The following BTD variants were observed in gnomAD, a reference collection of about 807,000 sequenced individuals.
BTD encodes biotinidase.
In BTD, 13 loss-of-function variants were observed where a neutral mutation model predicts 17.7. The ratio of observed to expected loss-of-function variants is 0.74; its 90% CI spans 0.48 to 1.17. The LOEUF is 1.17. BTD is among the 50% of genes most tolerant of loss of function. BTD has a pLI of 0.00. For synonymous variants in BTD, 240 were observed against 245.2 expected (o/e 0.98, Z 0.20); for missense variants, 674 against 650.4 (o/e 1.04, Z -0.39).
intron 3 of BTD, 95 bp downstream of exon 3, chr3:15,642,152 G>C: frequency 6.4e-7 from 1 of 1,558,276 alleles, no homozygotes; most frequent in Non-Finnish European, 8.7e-7. Context: ...AGATTGATAG[G>C]AGACCTTAAC....
intron 3 of BTD, among the ~76,000 whole-genome samples, chr3:15,660,349 C>T (rs1321711536): frequency 2.6e-5 from 4 of 152,236 alleles, no homozygotes; most frequent in Non-Finnish European, 4.4e-5. Context: ...TCTCTGCATC[C>T]GTTGCTACCC....
intron 1 of BTD, among the ~76,000 whole-genome samples, chr3:15,605,451 A>T (rs2064419227): frequency 6.6e-6 from 1 of 152,214 alleles, no homozygotes; most frequent in Non-Finnish European, 1.5e-5. Context: ...TCAAGATGAG[A>T]TTTGAGTGGG....
chr3:15,622,981 G>A (rs1460488417), intron 1 of BTD, among the ~76,000 whole-genome samples: 3 of 152,240 alleles, frequency 2.0e-5, no homozygotes, highest in Non-Finnish European at 4.4e-5. Flanking sequence ...GTTCCACATG[G>A]CTGGGGAGGC....
chr3:15,684,326 C>T (rs2067867595), intron 3 of BTD: 1 of 152,170 alleles, frequency 6.6e-6, no homozygotes, highest in African/African-American at 2.4e-5. Flanking sequence ...CCTATAAAAG[C>T]GATGACTGTG....
At chr3:15,618,821 A>G (rs2064868272) in intron 1 of BTD, among the ~76,000 whole-genome samples, 1 of 152,200 alleles carries the variant, frequency 6.6e-6, no homozygotes, top group Non-Finnish European at 1.5e-5. Context: ...CACTGTGCCC[A>G]GCCAATAGTA....
chr3:15,631,704 A>C (rs1268439346), intron 1 of BTD, among the ~76,000 whole-genome samples: 3 of 152,204 alleles, frequency 2.0e-5, no homozygotes, highest in African/African-American at 7.2e-5. Flanking sequence ...TGCTTACTTC[A>C]AGATGCCACT....
chr3:15,694,926 T>A, intron 3 of BTD: 1 of 981,274 alleles, frequency 1.0e-6, no homozygotes, highest in Non-Finnish European at 1.6e-6. Context: ...TCAGCAAACT[T>A]ATAAAACATG....
At chr3:15,718,046 G>A (rs1426301595) in intron 4 of BTD, among the ~76,000 whole-genome samples, 8 of 152,112 alleles carry the variant, frequency 5.3e-5, no homozygotes, top group Admixed American at 5.2e-4. Context: ...CAAGTGTAAA[G>A]TGTCCCCATA....
At chr3:15,685,942 G>T in intron 3 of BTD, 1 of 1,297,910 alleles carries the variant, frequency 7.7e-7, no homozygotes, top group Non-Finnish European at 1.1e-6. Flanking sequence ...ACCTAGTTCA[G>T]TTCTAGGTAA....
intron 3 of BTD, among the ~76,000 whole-genome samples, chr3:15,698,012 AT>A (rs2069922925): frequency 6.6e-6 from 1 of 151,276 alleles, no homozygotes; most frequent in Non-Finnish European, 1.5e-5. Context: ...TTTCTAGTTT[AT>A]TTGCGTAGAG....
intron 3 of BTD, among the ~76,000 whole-genome samples, chr3:15,705,818 T>C (rs1456419473): frequency 1.3e-5 from 2 of 152,068 alleles, no homozygotes; most frequent in Admixed American, 1.3e-4. Flanking sequence ...CTGGCCAACA[T>C]GGTGAATCTG....
At position 15,647,988 on chromosome 3, in the gene BTD, A is replaced by T. The variant is rs2065733193; in HGVS notation, c.*2500A>T. ...ACAGGCCTGTCCAGAGCCCCTGCTGAGGGAAACCCACCCAGGCCACTTTTC... is the reference window on the plus strand; with the variant it reads ...ACAGGCCTGTCCAGAGCCCCTGCTGTGGGAAACCCACCCAGGCCACTTTTC... On this transcript the variant is annotated 3_prime_UTR_variant, in exon 4 of 4. Transcript: ENST00000643237. Among the ~76,000 whole-genome samples the T allele has an allele frequency of 6.6e-6, 1 of 152,168 alleles. No homozygotes were observed. The highest frequency in any genetic ancestry group is 6.5e-5 in the Admixed American group (1 of 15,274).
At chr3:15,601,650 G>A, upstream of BTD, 1 of 1,553,572 alleles carries the variant, frequency 6.4e-7, no homozygotes, top group Non-Finnish European at 8.7e-7. Context: ...CGGGAGAGGT[G>A]AGAATGTAAA....
intron 3 of BTD, among the ~76,000 whole-genome samples, chr3:15,709,516 T>G (rs1165767253): frequency 6.6e-6 from 1 of 152,200 alleles, no homozygotes; most frequent in East Asian, 1.9e-4. Flanking sequence ...AACGAATATT[T>G]GGAAGTTACT....
chr3:15,707,091 C>G (rs889266158), intron 3 of BTD, among the ~76,000 whole-genome samples: 1 of 151,980 alleles, frequency 6.6e-6, no homozygotes, highest in Admixed American at 6.6e-5. Context: ...TGTTAAAAAC[C>G]GAATAAATAA....
chr3:15,696,234 T>C lies in BTD; in HGVS notation c.400-13826T>C, dbSNP rs780154140. 43 of 1,575,434 alleles carry C rather than the reference T, an allele frequency of 2.7e-5. No individual in the cohort carries two copies. The East Asian group carries it at 4.1e-4, about 15-fold the overall frequency. On this transcript the variant is annotated intron_variant, in intron 3 of 3. Transcript: ENST00000672141. ...TGGATTTGCATCGTTTCTTAATAAG[T>C]ATTCCAGGCACCTATATACAACAAC...
At chr3:15,693,945 T>C (rs1168112937) in intron 3 of BTD, among the ~76,000 whole-genome samples, 2 of 152,174 alleles carry the variant, frequency 1.3e-5, no homozygotes, top group East Asian at 1.9e-4. Context: ...ACTGAACTTG[T>C]AGTGTTCCAC....
rs765563891 is a variant in BTD, at chr3:15,686,338, A to G, written c.400-23722A>G. 6 of 1,445,048 alleles carry G rather than the reference A, an allele frequency of 4.2e-6. No individual in the cohort carries two copies. In the South Asian group the frequency reaches 7.4e-5, roughly 18 times the overall value. The allele number at this position is 1,445,048 out of a possible 1,614,324, so 89.5% of individuals were successfully genotyped here. On this transcript the variant is annotated intron_variant, in intron 3 of 3. Coordinates refer to the BTD transcript ENST00000672141. ...TAAAGTGAAATTTAAACATTTCAGT[A>G]ATTACATATAATGATAAAATAGAAA...
intron 1 of BTD, among the ~76,000 whole-genome samples, chr3:15,627,558 A>T (rs2065096957): frequency 6.6e-6 from 1 of 152,056 alleles, no homozygotes; most frequent in African/African-American, 2.4e-5. Flanking sequence ...TGCCACTCCT[A>T]AATATATGCC....
Sources: allele counts gnomAD v4.1 joint callset (sites outside exome capture counted in the v4.1 genomes callset), GRCh38; gene constraint gnomAD v4.1.1; transcripts MANE v1.5; gene names NCBI Gene and HGNC (gene_info 2026-07-23, HGNC 2026-07-21).